SPATA9: variants seen among roughly 807,000 people sequenced by gnomAD.
SPATA9 encodes spermatogenesis-associated protein 9.
A neutral mutation model predicts 25.5 loss-of-function variants in SPATA9; 27 were observed. That is an observed-to-expected ratio of 1.06 (90% confidence interval 0.78 to 1.46). The LOEUF (loss-of-function observed/expected upper bound fraction) is 1.46. Among genes scored for constraint, SPATA9 ranks in the 40% most tolerant of loss-of-function variants. SPATA9 has a pLI of 0.00. For missense variants in SPATA9, 282 were observed against 297.5 expected (o/e 0.95, Z 0.38); for synonymous variants, 102 against 105.7 (o/e 0.97, Z 0.21).
At chr5:95,696,805 A>G (rs910887427) in intron 1 of SPATA9, among the ~76,000 whole-genome samples, 2 of 152,176 alleles carry the variant, frequency 1.3e-5, no homozygotes, top group African/African-American at 4.8e-5. Context: ...ACTAAGAGCT[A>G]GGATTGCACC....
At chr5:95,731,146 C>A in the SPATA9 span, 1 of 1,014,474 alleles carries the variant, frequency 9.9e-7, no homozygotes, top group Non-Finnish European at 1.2e-6. Context: ...CGCGGCGCCC[C>A]GCGCGGGCGG....
At chr5:95,699,947 G>A (rs1253379442), upstream of SPATA9, among the ~76,000 whole-genome samples, 1 of 152,176 alleles carries the variant, frequency 6.6e-6, no homozygotes, top group Non-Finnish European at 1.5e-5. Context: ...GTAACGAGTT[G>A]GAGTTTGAAT....
intron 3 of SPATA9, chr5:95,670,778 T>C (rs780136180): frequency 1.1e-6 from 1 of 910,608 alleles, no homozygotes; most frequent in Non-Finnish European, 1.3e-6. Context: ...ATGCACTCCA[T>C]TTACAGACCA....
downstream of SPATA9, chr5:95,656,441 G>A: frequency 1.5e-6 from 1 of 656,574 alleles, no homozygotes; most frequent in East Asian, 2.7e-5. Flanking sequence ...ACATTTGAGA[G>A]GTTTAAGAGC....
intron 3 of SPATA9, among the ~76,000 whole-genome samples, chr5:95,672,910 A>G (rs1002890918): frequency 3.3e-5 from 5 of 152,204 alleles, no homozygotes; most frequent in African/African-American, 4.8e-5. Flanking sequence ...ATTCCTGTGC[A>G]GATTGGCCCT....
intron 1 of SPATA9, among the ~76,000 whole-genome samples, chr5:95,692,324 T>A (rs773666655): frequency 3.3e-5 from 5 of 152,176 alleles, no homozygotes; most frequent in Non-Finnish European, 7.4e-5. Context: ...GGTCCTGATA[T>A]CTTTTTAGAA....
At chr5:95,712,988 A>G in the SPATA9 span, among the ~76,000 whole-genome samples, 1 of 152,000 alleles carries the variant, frequency 6.6e-6, no homozygotes. Flanking sequence ...CCTTTTTGTT[A>G]TTACTGTAAG....
intron 2 of SPATA9, among the ~76,000 whole-genome samples, chr5:95,678,418 TC>T (rs1268323735): frequency 2.0e-5 from 3 of 152,028 alleles, no homozygotes; most frequent in Non-Finnish European, 4.4e-5. Context: ...TTTCCTAGCC[TC>T]AAAAAGAAGA....
At chr5:95,652,863 G>A, downstream of SPATA9, 1 of 431,032 alleles carries the variant, frequency 2.3e-6, no homozygotes, top group Non-Finnish European at 4.0e-6. Context: ...TGATTTCTGG[G>A]CATCCATTGT....
rs1459460811 is a variant in SPATA9 at position 95,658,847 on chromosome 5, G to A, written c.541C>T (p.Gln181Ter). ...NIFQEEESIR[Q>*]NREESENCRK... ...CAATTTTCACTCTCCTCTCTGTTTT[G>A]CCTTATGGATTCTTCTTCCTGGAAG... is the stretch of plus-strand genomic sequence containing the variant. Residue 181 changes from glutamine (Q) to a stop codon, truncating the protein, a stop_gained, in exon 5 of 5, where the codon CAA becomes TAA. Coordinates refer to ENST00000274432, the MANE Select transcript of SPATA9 (RefSeq NM_031952.4). LOFTEE classifies it high-confidence loss of function. The A allele has an allele frequency of 6.2e-7, 1 of 1,613,874 alleles. No individual in the cohort carries two copies. Among genetic ancestry groups the A allele is most frequent in the Non-Finnish European group, 8.5e-7 (1 of 1,179,880 alleles).
chr5:95,717,713 TGGA>T, the SPATA9 span: 1 of 152,162 alleles, frequency 6.6e-6, no homozygotes, highest in African/African-American at 2.4e-5. Context: ...TGGAGCAGGA[TGGA>T]GAAGAGGAAG....
rs147057486 is a variant in SPATA9, at chr5:95,677,872, A to T, written c.151-2233T>A. Among the ~76,000 whole-genome samples, 305 of 152,324 alleles carry T rather than the reference A, an allele frequency of 2.0e-3. 1 individual carries two copies. Among genetic ancestry groups the T allele is most frequent in the Admixed American group, 0.014 (217 of 15,304 alleles). On this transcript the variant is annotated intron_variant, in intron 2 of 4. Transcript: ENST00000274432. ...TCCAAGAATGAGCATCTAAATTAAA[A>T]TTTTTTAGATACCCAATTGTAGTAC...
At position 95,658,541 on chromosome 5, in the gene SPATA9, T is replaced by C. The variant is rs1384025458; in HGVS notation, c.*82A>G. 6.8e-7 allele frequency: 1 copy of C among 1,467,292 alleles called. No individual in the cohort carries two copies. Among genetic ancestry groups the C allele is most frequent in the African/African-American group, 1.5e-5 (1 of 65,212 alleles). The allele number at this position is 1,467,292 out of a possible 1,614,324, so 90.9% of individuals were successfully genotyped here. ...TAAGAAAGCAGAGCAATTCAGAATA[T>C]GTAAACTAGACTCTGAGTTTTGTCA... On this transcript the variant is annotated 3_prime_UTR_variant, in exon 5 of 5. Coordinates refer to ENST00000274432, the MANE Select transcript of SPATA9 (RefSeq NM_031952.4).
At chr5:95,677,526 C>T (rs1449111786) in intron 2 of SPATA9, among the ~76,000 whole-genome samples, 6 of 152,170 alleles carry the variant, frequency 3.9e-5, no homozygotes, top group Non-Finnish European at 2.9e-5. Flanking sequence ...ATTCTAGTGA[C>T]AGTCATAGTC....
downstream of SPATA9, chr5:95,652,310 C>G: frequency 6.5e-7 from 1 of 1,550,370 alleles, no homozygotes; most frequent in Non-Finnish European, 8.7e-7. Context: ...GACCTTCTTC[C>G]TTATCTACAC....
Position 95,682,690 on chromosome 5 carries a change from C to T in SPATA9, c.62-74G>A, listed in dbSNP as rs926910569. ...AAATGTTTCAAAAGAACATGAAACACTTGATCAAATTCCTAGATGACTCGG... is the reference window on the plus strand; with the variant it reads ...AAATGTTTCAAAAGAACATGAAACATTTGATCAAATTCCTAGATGACTCGG... On this transcript the variant is annotated intron_variant, in intron 1 of 4. Transcript: ENST00000274432. 6 of 1,512,454 alleles carry T rather than the reference C, an allele frequency of 4.0e-6. No homozygotes were observed. In the African/African-American group the frequency reaches 7.0e-5, roughly 18 times the overall value. 93.7% of individuals were successfully genotyped at this position (1,512,454 alleles called of 1,614,324 possible).
chr5:95,694,869 C>T (rs1210093052), intron 1 of SPATA9, among the ~76,000 whole-genome samples: 1 of 152,164 alleles, frequency 6.6e-6, no homozygotes, highest in Non-Finnish European at 1.5e-5. Flanking sequence ...TTGTCCAAGA[C>T]AACTCTAGAT....
chr5:95,687,500 T>C (rs150529704), upstream of SPATA9, among the ~76,000 whole-genome samples: 451 of 152,336 alleles, frequency 3.0e-3, 3 homozygotes, highest in African/African-American at 0.01. Context: ...CAAATAATCA[T>C]TTTAATAGCA....
intron 1 of SPATA9, among the ~76,000 whole-genome samples, chr5:95,693,739 A>G (rs559860996): frequency 8.5e-5 from 13 of 152,344 alleles, no homozygotes; most frequent in Non-Finnish European, 1.6e-4. Flanking sequence ...TTTGTTATAA[A>G]TATATTTTAA....
Sources: allele counts gnomAD v4.1 joint callset (sites outside exome capture counted in the v4.1 genomes callset), GRCh38; gene constraint gnomAD v4.1.1; transcripts MANE v1.5; gene names NCBI Gene and HGNC (gene_info 2026-07-23, HGNC 2026-07-21).